Variants in RHOBTB2 observed in about 807,000 individuals in gnomAD.
The protein encoded by RHOBTB2 is Rho related BTB domain containing 2, also known as rho-related BTB domain-containing protein 2.
A neutral mutation model predicts 66.5 loss-of-function variants in RHOBTB2; 39 were observed. That is an observed-to-expected ratio of 0.59 (90% CI 0.45 to 0.77). RHOBTB2 has a LOEUF of 0.77. Ranked by LOEUF, RHOBTB2 falls within the 30% of genes least tolerant of loss-of-function variation. RHOBTB2 has a pLI of 0.00. For synonymous variants in RHOBTB2, 390 were observed against 395.0 expected, an observed-to-expected ratio of 0.99 and a Z score of 0.15; for missense variants, 755 against 999.1, an observed-to-expected ratio of 0.76 and a Z score of 3.29.
chr8:23,014,855 G>A (rs1811246069), intron 8 of RHOBTB2, 77 bp downstream of exon 8: 1 of 1,155,748 alleles, frequency 8.7e-7, no homozygotes, highest in Admixed American at 1.9e-5. Context: ...AATGGGAAGG[G>A]GTGGAAGATG....
chr8:23,018,297 C>T lies in RHOBTB2; in HGVS notation c.*828C>T, dbSNP rs1811355556. ...CGACCCCGTGCTCCTCAGGGCCCTC[C>T]CCTGCCTCTGGGTGGCACTGCTTTT... On this transcript the variant is annotated 3_prime_UTR_variant, in exon 10 of 10. Transcript: ENST00000251822. The T allele has an allele frequency of 6.6e-6, 1 of 152,612 alleles. No individual in the cohort carries two copies. The highest frequency in any genetic ancestry group is 1.5e-5 in the Non-Finnish European group (1 of 68,076). 9.5% of individuals were successfully genotyped at this position (152,612 alleles called of 1,614,324 possible).
At chr8:23,009,388 G>A (rs1375867963) in intron 6 of RHOBTB2, among the ~76,000 whole-genome samples, 1 of 152,130 alleles carries the variant, frequency 6.6e-6, no homozygotes, top group East Asian at 1.9e-4. Context: ...TCCATTCCAA[G>A]CAGAGTAGCC....
chr8:22,983,516 C>G (rs569338187), upstream of RHOBTB2, among the ~76,000 whole-genome samples: 2 of 149,074 alleles, frequency 1.3e-5, no homozygotes, highest in African/African-American at 4.9e-5. Context: ...ACAAAAGAAA[C>G]GAAACTCTGA....
At chr8:22,980,127 C>A in the RHOBTB2 span, among the ~76,000 whole-genome samples, 1 of 152,030 alleles carries the variant, frequency 6.6e-6, no homozygotes, top group Non-Finnish European at 1.5e-5. Context: ...TTTCCTCTAT[C>A]CTGTTAGGTT....
At chr8:23,013,528 T>TA in intron 7 of RHOBTB2, among the ~76,000 whole-genome samples, 1 of 152,106 alleles carries the variant, frequency 6.6e-6, no homozygotes, top group South Asian at 2.1e-4. Flanking sequence ...GATGGAGTCT[T>TA]ACTGTCACCT....
In RHOBTB2 at chr8:23,014,597, T is replaced by C. The variant is rs924325823; in HGVS notation, c.1772-93T>C. 1.6e-5 allele frequency: 19 copies of C among 1,199,614 alleles called. No individual in the cohort carries two copies. The Admixed American group carries it at 3.7e-4, about 23-fold the overall frequency. 74.3% of individuals were successfully genotyped at this position (1,199,614 alleles called of 1,614,324 possible). On this transcript the variant is annotated intron_variant, in intron 7 of 9. Transcript: ENST00000251822. ...TCCGGACCTGCCCGGGCCCTGGTTT[T>C]CCTCACCCTGAAGTGAGCTGGGGGA... is the stretch of plus-strand genomic sequence containing the variant.
chr8:22,960,607 C>T, the RHOBTB2 span, among the ~76,000 whole-genome samples: 1 of 152,176 alleles, frequency 6.6e-6, no homozygotes, highest in Non-Finnish European at 1.5e-5. Context: ...GCATGCGCTG[C>T]ACCCGGCCCC....
rs1051110965 is a variant in RHOBTB2, at chr8:23,007,608, C to T, written c.1363C>T (p.Leu455Phe). The change falls in exon 5 of 10, where the codon CTC becomes TTC. Residue 455 changes from leucine to phenylalanine, a missense_variant. Leu to Phe is a conservative substitution (Grantham distance 22, BLOSUM62 0). This residue lies in a region of RHOBTB2 where 353 missense variants were observed against 458.2 expected (regional missense o/e 0.77). Transcript: ENST00000251822. ...GCACATTGCCCACATTGCTGAGCTG[C>T]TCGAGGTCTTTGATCTGCGCATGAT... is the stretch of plus-strand genomic sequence containing the variant. ...LMHIAHIAEL[L>F]EVFDLRMMVA... is the part of the protein sequence containing the mutation. 6 of 1,614,206 alleles carry T rather than the reference C, an allele frequency of 3.7e-6. No individual in the cohort carries two copies. The highest frequency in any genetic ancestry group is 5.1e-6 in the Non-Finnish European group (6 of 1,180,042).
chr8:23,007,822 TGTCCTGGA>T, intron 5 of RHOBTB2, 76 bp downstream of exon 5: 3 of 1,542,192 alleles, frequency 1.9e-6, no homozygotes, highest in Non-Finnish European at 2.7e-6. Context: ...CAGCTCCTGG[TGTCCTGGA>T]GCTGCGGCTG....
chr8:22,959,297 A>G, the RHOBTB2 span, among the ~76,000 whole-genome samples: 1 of 152,124 alleles, frequency 6.6e-6, no homozygotes, highest in African/African-American at 2.4e-5. Flanking sequence ...CCCAGGCTGG[A>G]GTGCAGTGGT....
At chr8:23,001,666 C>T (rs1308777255) in intron 1 of RHOBTB2, among the ~76,000 whole-genome samples, 2 of 152,346 alleles carry the variant, frequency 1.3e-5, no homozygotes, top group East Asian at 3.9e-4. Context: ...TCAGGAGACT[C>T]TTCCAATGTC....
At chr8:22,957,149 T>C in the RHOBTB2 span, among the ~76,000 whole-genome samples, 1 of 152,068 alleles carries the variant, frequency 6.6e-6, no homozygotes, top group Non-Finnish European at 1.5e-5. Context: ...CACAATTAGG[T>C]TGAGGTGATA....
At position 23,007,200 on chromosome 8, in the gene RHOBTB2, C is replaced by T. The variant is rs1810989501; in HGVS notation, c.955C>T (p.His319Tyr). 6.2e-7 allele frequency: 1 copy of T among 1,604,880 alleles called. No individual in the cohort carries two copies. The highest frequency in any genetic ancestry group is 1.7e-5 in the Admixed American group (1 of 59,716). The change falls in exon 5 of 10, where the codon CAC becomes TAC. Residue 319 changes from histidine to tyrosine, a missense_variant. Coordinates refer to ENST00000251822, the MANE Select transcript of RHOBTB2 (RefSeq NM_015178.3). ...GCCAGGGGGCACCCACCCAGAGGAC[C>T]ACCAGGGCCACTCTGATCAACACCA... ...SEPGGTHPED[H>Y]QGHSDQHHHH... is the part of the protein sequence containing the mutation.
chr8:22,999,543 T>C (rs1368103318), upstream of RHOBTB2: 7 of 1,158,376 alleles, frequency 6.0e-6, no homozygotes, highest in African/African-American at 1.7e-5. Context: ...CGCGCGGCAG[T>C]GGGCGGGGCC....
the RHOBTB2 span, among the ~76,000 whole-genome samples, chr8:22,968,754 TA>T: frequency 6.7e-6 from 1 of 149,550 alleles, no homozygotes; most frequent in Non-Finnish European, 1.5e-5. Context: ...GTGATTTAAT[TA>T]GGGAAGTAAG....
intron 7 of RHOBTB2, 141 bp downstream of exon 7, chr8:23,010,829 C>T (rs763466633): frequency 4.2e-5 from 40 of 963,308 alleles, no homozygotes; most frequent in East Asian, 2.0e-4. Context: ...AATCTGTTGA[C>T]GGGCACAGAG....
the RHOBTB2 span, among the ~76,000 whole-genome samples, chr8:22,950,992 C>T: frequency 3.3e-5 from 5 of 152,132 alleles, no homozygotes; most frequent in Admixed American, 2.0e-4. Context: ...ATTTTATAGG[C>T]TGCTCTTTGT....
At chr8:23,013,908 G>C (rs960781289) in intron 7 of RHOBTB2, among the ~76,000 whole-genome samples, 1 of 152,212 alleles carries the variant, frequency 6.6e-6, no homozygotes, top group Non-Finnish European at 1.5e-5. Context: ...TCTTTGGCTT[G>C]ACTCCAGAGT....
upstream of RHOBTB2, among the ~76,000 whole-genome samples, chr8:22,999,428 GGCGGTGGGCGGGA>G (rs1348573506): frequency 6.6e-6 from 1 of 151,142 alleles, no homozygotes; most frequent in Non-Finnish European, 1.5e-5. Context: ...GAAGAGCGCG[GGCGGTGGGCGGGA>G]GCGGTGCTGC....
Sources: allele counts gnomAD v4.1 joint callset (sites outside exome capture counted in the v4.1 genomes callset), GRCh38; gene constraint gnomAD v4.1.1; regional missense constraint gnomAD v4.1.1; transcripts MANE v1.5; gene names NCBI Gene and HGNC (gene_info 2026-07-23, HGNC 2026-07-21).